PVT1: variants seen among roughly 807,000 people sequenced by gnomAD.
PVT1 encodes CXCR4/PVT1 fusion.
At chr8:127,895,458 G>A (rs1586425796) in intron 3 of PVT1, among the ~76,000 whole-genome samples, 2 of 152,026 alleles carry the variant, frequency 1.3e-5, no homozygotes, top group South Asian at 4.2e-4. Flanking sequence ...GTGACAAACT[G>A]AGACTCCATC....
At chr8:127,848,327 G>C (rs190144005) in intron 2 of PVT1, among the ~76,000 whole-genome samples, 7 of 152,172 alleles carry the variant, frequency 4.6e-5, no homozygotes, top group African/African-American at 1.4e-4. Context: ...TGAGGCAGGG[G>C]GTTGCTTGAG....
At chr8:127,829,066 A>G (rs978239653) in intron 2 of PVT1, among the ~76,000 whole-genome samples, 1 of 152,172 alleles carries the variant, frequency 6.6e-6, no homozygotes, top group Non-Finnish European at 1.5e-5. Flanking sequence ...AGCTGAGGTC[A>G]GGAGTTCGAG....
At chr8:127,956,642 G>A (rs1278093027) in intron 3 of PVT1, among the ~76,000 whole-genome samples, 4 of 152,132 alleles carry the variant, frequency 2.6e-5, no homozygotes, top group Non-Finnish European at 4.4e-5. Flanking sequence ...GCGCCACCAC[G>A]CCCAGCTAAC....
At chr8:128,054,261 A>ATGCAC (rs1423379358) in intron 4 of PVT1, among the ~76,000 whole-genome samples, 1 of 152,186 alleles carries the variant, frequency 6.6e-6, no homozygotes, top group Non-Finnish European at 1.5e-5. Context: ...GAAGTGCATG[A>ATGCAC]TGCACTCTGT....
chr8:127,971,045 T>G (rs762118810), intron 3 of PVT1, among the ~76,000 whole-genome samples: 3 of 152,256 alleles, frequency 2.0e-5, no homozygotes, highest in Admixed American at 6.5e-5. Flanking sequence ...CAGAGTCTGG[T>G]CCTGACAGAG....
chr8:127,932,236 G>A (rs1025343202), intron 3 of PVT1, among the ~76,000 whole-genome samples: 1 of 152,202 alleles, frequency 6.6e-6, no homozygotes, highest in Non-Finnish European at 1.5e-5. Context: ...CTCCCAGGGC[G>A]GGATTAGCCT....
intron 2 of PVT1, among the ~76,000 whole-genome samples, chr8:127,874,314 G>GGA (rs1815382415): frequency 6.6e-6 from 1 of 152,172 alleles, no homozygotes; most frequent in African/African-American, 2.4e-5. Context: ...GCTGCACAGA[G>GGA]GAGGAGAAGG....
intron 3 of PVT1, among the ~76,000 whole-genome samples, chr8:127,978,498 T>C (rs866899901): frequency 6.7e-6 from 1 of 150,162 alleles, no homozygotes. Context: ...ATTATTATTA[T>C]TAAACGGAGT....
At chr8:127,871,514 C>T (rs192144478) in intron 2 of PVT1, among the ~76,000 whole-genome samples, 3 of 152,226 alleles carry the variant, frequency 2.0e-5, no homozygotes, top group Admixed American at 1.3e-4. Context: ...TGTCCAGGGG[C>T]CCTCTGCTTG....
At chr8:127,858,734 G>C (rs1201266115) in intron 2 of PVT1, among the ~76,000 whole-genome samples, 1 of 144,374 alleles carries the variant, frequency 6.9e-6, no homozygotes, top group Non-Finnish European at 1.5e-5. Context: ...ACAGCAAGCA[G>C]TTCTGTGACT....
At chr8:128,057,367 C>A (rs981023543) in intron 4 of PVT1, among the ~76,000 whole-genome samples, 7 of 152,286 alleles carry the variant, frequency 4.6e-5, no homozygotes, top group Admixed American at 2.0e-4. Flanking sequence ...ACCGGAAAAA[C>A]CCCTTTCTCT....
chr8:127,921,642 T>C (rs1453780717), intron 3 of PVT1, among the ~76,000 whole-genome samples: 1 of 151,772 alleles, frequency 6.6e-6, no homozygotes, highest in African/African-American at 2.4e-5. Flanking sequence ...CGAAACCCCA[T>C]CTCTATTAAA....
chr8:128,093,322 C>G (rs1338923110), intron 5 of PVT1, among the ~76,000 whole-genome samples: 1 of 152,210 alleles, frequency 6.6e-6, no homozygotes, highest in East Asian at 1.9e-4. Flanking sequence ...CTTTGGGAGG[C>G]CGAGGTGGGC....
chr8:127,948,456 C>G (rs1238992930), intron 3 of PVT1: 1 of 161,312 alleles, frequency 6.2e-6, no homozygotes. Context: ...TTTCTCTATG[C>G]CAGACTAGTA....
intron 3 of PVT1, among the ~76,000 whole-genome samples, chr8:127,953,489 A>G (rs1018643636): frequency 2.0e-5 from 3 of 152,228 alleles, no homozygotes; most frequent in Admixed American, 6.5e-5. Flanking sequence ...AATAGCTAAC[A>G]TTTATTTAGT....
chr8:127,898,922 G>A lies in PVT1; in HGVS notation n.782+7924G>A. On this transcript the variant is annotated intron_variant and non_coding_transcript_variant, in intron 3 of 10. Transcript: ENST00000651587. The surrounding 1 kb of genome is among the most constrained non-coding windows in gnomAD (Gnocchi z 4.4). ...GTGTGTCCCACCTGATTACTGGGAAGTGCAATGGACACCCCCACCCCCCGT... is the reference window on the plus strand; with the variant it reads ...GTGTGTCCCACCTGATTACTGGGAAATGCAATGGACACCCCCACCCCCCGT... Among the ~76,000 whole-genome samples the A allele has an allele frequency of 6.6e-6, 1 of 152,076 alleles. No individual in the cohort carries two copies. The highest frequency in any genetic ancestry group is 1.5e-5 in the Non-Finnish European group (1 of 67,990).
chr8:127,957,141 G>A (rs1319204432), intron 3 of PVT1, among the ~76,000 whole-genome samples: 1 of 152,120 alleles, frequency 6.6e-6, no homozygotes, highest in Non-Finnish European at 1.5e-5. Context: ...GTTCAGAGAT[G>A]CCAAGTCACT....
chr8:127,912,122 A>G (rs1435780702), intron 3 of PVT1, among the ~76,000 whole-genome samples: 1 of 152,236 alleles, frequency 6.6e-6, no homozygotes, highest in African/African-American at 2.4e-5. Context: ...CACATGTGAT[A>G]AAGTTCTGTG....
rs186263337 is a variant in PVT1 at position 127,988,708 on chromosome 8, G to T, written n.783-454G>T. ...CTGATGCAGCCTCCATGGCTCACAT[G>T]ATCCCCACCATGTATGAAATGGGCT... On this transcript the variant is annotated intron_variant and non_coding_transcript_variant, in intron 3 of 10. Coordinates refer to ENST00000651587, the Ensembl canonical transcript of PVT1. Among the ~76,000 whole-genome samples, 134 of 152,346 alleles carry T rather than the reference G, an allele frequency of 8.8e-4. 1 individual carries two copies. Among genetic ancestry groups the T allele is most frequent in the African/African-American group, 3.2e-3 (134 of 41,578 alleles).
Sources: allele counts gnomAD v4.1 joint callset (sites outside exome capture counted in the v4.1 genomes callset), GRCh38; gene constraint gnomAD v4.1.1; non-coding constraint Gnocchi (gnomAD v3.1); transcripts MANE v1.5; gene names NCBI Gene and HGNC (gene_info 2026-07-23, HGNC 2026-07-21).